Variants in CNOT6L observed in about 807,000 individuals in gnomAD.
CNOT6L encodes the protein CCR4-NOT transcription complex subunit 6-like.
Under a neutral mutation model 64.0 loss-of-function variants are expected in CNOT6L, and 7 were observed. The observed-to-expected ratio is 0.11, with a 90% CI of 0.06 to 0.21. The LOEUF (loss-of-function observed/expected upper bound fraction) is 0.21, where lower values mean the gene tolerates loss of function less well. Ranked by LOEUF, CNOT6L falls within the 10% of genes least tolerant of loss-of-function variation. CNOT6L has a pLI of 1.00. For missense variants in CNOT6L, 245 were observed against 669.0 expected (o/e 0.37, Z 6.99); for synonymous variants, 193 against 243.4 (o/e 0.79, Z 1.93).
rs1385927638 is a variant in CNOT6L at position 77,713,551 on chromosome 4, T to G, written c.*6880A>C. On this transcript the variant is annotated 3_prime_UTR_variant, in exon 12 of 12. Transcript: ENST00000504123. ...AAAAATATTTTGTTATCTGACATAG[T>G]AGTTAAGGTTCTTAAGCACCTCCCT... 2 of 152,602 alleles carry G rather than the reference T, an allele frequency of 1.3e-5. No homozygotes were observed. The highest frequency in any genetic ancestry group is 2.9e-5 in the Non-Finnish European group (2 of 68,018). 9.5% of individuals were successfully genotyped at this position (152,602 alleles called of 1,614,324 possible).
intron 1 of CNOT6L, among the ~76,000 whole-genome samples, chr4:77,797,094 C>A (rs1157763831): frequency 5.4e-5 from 4 of 73,596 alleles, no homozygotes; most frequent in Admixed American, 2.4e-4. Flanking sequence ...CAGAGGAAGA[C>A]CTTGTCTCAA....
Position 77,773,764 on chromosome 4 carries a change from G to A in CNOT6L, c.315-598C>T, listed in dbSNP as rs1727861059. On this transcript the variant is annotated intron_variant, in intron 3 of 11. Transcript: ENST00000504123. ...GTGAAAAGATGAAAAAATATACTAT[G>A]ATCAACAATCACTGACATGAAACAT... Among the ~76,000 whole-genome samples, 3 of 152,060 alleles carry A rather than the reference G, an allele frequency of 2.0e-5. No homozygotes were observed. In the South Asian group the frequency reaches 6.2e-4, roughly 32 times the overall value.
chr4:77,777,938 A>C (rs1441279423), intron 1 of CNOT6L, among the ~76,000 whole-genome samples: 2 of 152,236 alleles, frequency 1.3e-5, no homozygotes, highest in East Asian at 3.8e-4. Flanking sequence ...CACTTACTTA[A>C]AGGAGCAAAG....
At chr4:77,739,895 ATTG>A (rs1465577654) in intron 8 of CNOT6L, among the ~76,000 whole-genome samples, 1 of 152,212 alleles carries the variant, frequency 6.6e-6, no homozygotes, top group African/African-American at 2.4e-5. Context: ...CTTCTAGTAA[ATTG>A]TTAAGGAATT....
At chr4:77,760,860 C>CTTTTTTTTTTTTTTTTTTTT (rs754195745) in intron 4 of CNOT6L, among the ~76,000 whole-genome samples, 1 of 29,978 alleles carries the variant, frequency 3.3e-5, no homozygotes, top group Non-Finnish European at 5.7e-5. Context: ...CCATGCCTGG[C>CTTTTTTTTTTTTTTTTTTTT]TTTTTTTTTT....
intron 1 of CNOT6L, among the ~76,000 whole-genome samples, chr4:77,778,506 A>G (rs1312801503): frequency 1.3e-5 from 2 of 151,986 alleles, no homozygotes; most frequent in African/African-American, 4.8e-5. Context: ...CCCAGGTTCA[A>G]GTGATTCTCC....
In CNOT6L at chr4:77,774,437, CA is replaced by C. The variant is rs1166401824; in HGVS notation, c.314+92del. On this transcript the variant is annotated intron_variant, in intron 3 of 11. Transcript: ENST00000504123. Reference sequence around the variant, plus strand: ...AGTTTATATAATTTGATAGTTACAACACACAGAAATCCTACTGTAATAAAGT... The same window carrying C: ...AGTTTATATAATTTGATAGTTACAACCACAGAAATCCTACTGTAATAAAGT... 8.9e-6 allele frequency: 9 copies of C among 1,006,346 alleles called. No individual in the cohort carries two copies. In the South Asian group the frequency reaches 1.2e-4, roughly 13 times the overall value. The allele number at this position is 1,006,346 out of a possible 1,614,324, so 62.3% of individuals were successfully genotyped here.
In CNOT6L at chr4:77,720,417, G is replaced by A. The variant is rs776671505; in HGVS notation, c.*14C>T. On this transcript the variant is annotated 3_prime_UTR_variant, in exon 12 of 12. Coordinates refer to ENST00000504123, the MANE Select transcript of CNOT6L (RefSeq NM_144571.3). The stretch of plus-strand genomic sequence containing the variant: ...CATAGCAACAGATCCCCGTCTTGGC[G>A]GGGCAGTACTCCACTACCTCCGATT... 4.8e-5 allele frequency: 77 copies of A among 1,613,288 alleles called. No homozygotes were observed. Among genetic ancestry groups the A allele is most frequent in the Non-Finnish European group, 6.1e-5 (72 of 1,179,362 alleles).
In CNOT6L at chr4:77,804,612, T is replaced by C. The variant is rs11932772; in HGVS notation, c.5+14692A>G. The stretch of plus-strand genomic sequence containing the variant: ...AGAAATTGTCAATGGATGGGGTAAC[T>C]GGAACTAACTGACATAAAATATGAG... On this transcript the variant is annotated intron_variant, in intron 1 of 11. Transcript: ENST00000504123. Among the ~76,000 whole-genome samples, 1,027 of 152,020 alleles carry C rather than the reference T, an allele frequency of 6.8e-3. 13 individuals carry two copies. The highest frequency in any genetic ancestry group is 0.024 in the African/African-American group (998 of 41,308).
intron 1 of CNOT6L, among the ~76,000 whole-genome samples, chr4:77,809,059 C>T (rs1732602813): frequency 1.3e-5 from 2 of 152,120 alleles, no homozygotes; most frequent in South Asian, 2.1e-4. Flanking sequence ...TACAGGACTA[C>T]ATCATTTAAT....
intron 4 of CNOT6L, among the ~76,000 whole-genome samples, chr4:77,761,497 A>C (rs1380317758): frequency 6.6e-6 from 1 of 152,252 alleles, no homozygotes; most frequent in Non-Finnish European, 1.5e-5. Context: ...AAACGTTTTG[A>C]GTTCTAAAGC....
At position 77,729,988 on chromosome 4, in the gene CNOT6L, G is replaced by T. The variant is rs112143031; in HGVS notation, c.1025-907C>A. On this transcript the variant is annotated intron_variant, in intron 9 of 11. Coordinates refer to ENST00000504123, the MANE Select transcript of CNOT6L (RefSeq NM_144571.3). ...AAGAGCTATAATCTAGAGTATGAATGACATGAGGGATCTCTCACTTTTTAC... is the reference window on the plus strand; with the variant it reads ...AAGAGCTATAATCTAGAGTATGAATTACATGAGGGATCTCTCACTTTTTAC... Among the ~76,000 whole-genome samples, 155 of 152,190 alleles carry T rather than the reference G, an allele frequency of 1.0e-3. 1 individual carries two copies. The highest frequency in any genetic ancestry group is 3.2e-3 in the African/African-American group (134 of 41,568).
At chr4:77,813,385 G>A (rs1444392473) in intron 1 of CNOT6L, among the ~76,000 whole-genome samples, 2 of 152,072 alleles carry the variant, frequency 1.3e-5, no homozygotes, top group African/African-American at 2.4e-5. Context: ...TCTTAGATAC[G>A]ACACCAAAAG....
At chr4:77,819,219 T>G in intron 1 of CNOT6L, 85 bp downstream of exon 1, 1 of 1,611,422 alleles carries the variant, frequency 6.2e-7, no homozygotes, top group Non-Finnish European at 8.5e-7. Flanking sequence ...CACGCACATT[T>G]GTCCCTCTCC....
intron 3 of CNOT6L, 56 bp downstream of exon 3, chr4:77,774,474 C>A: frequency 7.3e-7 from 1 of 1,363,932 alleles, no homozygotes; most frequent in Non-Finnish European, 1.0e-6. Flanking sequence ...AACATCCCCT[C>A]ATTTTCTTAA....
In CNOT6L at chr4:77,716,276, T is replaced by C. The variant is rs1720740404; in HGVS notation, c.*4155A>G. Reference sequence around the variant, plus strand: ...ATTATTTTCCAAAAACTGGTCAGCATATTTTGCAAAGCTATTAAAATATCT... The same window carrying C: ...ATTATTTTCCAAAAACTGGTCAGCACATTTTGCAAAGCTATTAAAATATCT... On this transcript the variant is annotated 3_prime_UTR_variant, in exon 12 of 12. Coordinates refer to ENST00000504123, the MANE Select transcript of CNOT6L (RefSeq NM_144571.3). 1 of 152,120 alleles carries C rather than the reference T, an allele frequency of 6.6e-6. No homozygotes were observed. Among genetic ancestry groups the C allele is most frequent in the South Asian group, 2.1e-4 (1 of 4,836 alleles). 9.4% of individuals were successfully genotyped at this position (152,120 alleles called of 1,614,324 possible).
intron 1 of CNOT6L, among the ~76,000 whole-genome samples, chr4:77,814,139 A>T (rs1733296923): frequency 6.6e-6 from 1 of 152,206 alleles, no homozygotes; most frequent in Non-Finnish European, 1.5e-5. Flanking sequence ...ACCATATATT[A>T]AGATTGCATT....
At chr4:77,819,483 C>A, upstream of CNOT6L, 1 of 1,368,628 alleles carries the variant, frequency 7.3e-7, no homozygotes, top group Non-Finnish European at 9.8e-7. Context: ...TCCCGCCCGC[C>A]CCGAGGGGAA....
chr4:77,736,741 G>A (rs1358662472), intron 8 of CNOT6L, among the ~76,000 whole-genome samples: 1 of 151,892 alleles, frequency 6.6e-6, no homozygotes, highest in East Asian at 1.9e-4. Context: ...TTCATACTCT[G>A]TGACTGGTAT....
Sources: gnomAD v4.1 joint callset for allele counts (sites outside exome capture counted in the v4.1 genomes callset) on GRCh38, gnomAD v4.1.1 for gene constraint, MANE v1.5 for transcripts, NCBI Gene and HGNC (gene_info 2026-07-23, HGNC 2026-07-21) for gene names.